The following STAB2 variants were observed in gnomAD, a reference collection of about 807,000 sequenced individuals.
The protein encoded by STAB2 is stabilin 2.
A neutral mutation model predicts 338.1 loss-of-function variants in STAB2; 288 were observed. That is an observed-to-expected ratio of 0.85 (90% CI 0.77 to 0.94). The LOEUF (loss-of-function observed/expected upper bound fraction) is 0.94, where lower values mean the gene tolerates loss of function less well. STAB2 is among the 40% of genes least tolerant of loss of function. The pLI is 0.00. For missense variants in STAB2, 3,141 were observed against 3,210.1 expected (o/e 0.98, Z 0.52); for synonymous variants, 1,202 against 1,193.3 (o/e 1.01, Z -0.15).
chr12:103,637,314 C>T, intron 7 of STAB2, 78 bp downstream of exon 7: 7 of 1,524,012 alleles, frequency 4.6e-6, no homozygotes, highest in Non-Finnish European at 5.3e-6. Flanking sequence ...ATCTCACAAC[C>T]TCCTTAACAC....
chr12:103,751,890 G>A (rs1369411046), intron 60 of STAB2, among the ~76,000 whole-genome samples: 2 of 152,222 alleles, frequency 1.3e-5, no homozygotes, highest in African/African-American at 2.4e-5. Flanking sequence ...TTCTGTTGGA[G>A]CTGTGTGGTT....
intron 68 of STAB2, 130 bp from the exon 69 acceptor site, chr12:103,766,156 A>C (rs1243844225): frequency 7.8e-7 from 1 of 1,283,488 alleles, no homozygotes; most frequent in Non-Finnish European, 1.1e-6. Flanking sequence ...AGCACAAACA[A>C]ACACGCCCAG....
intron 56 of STAB2, among the ~76,000 whole-genome samples, chr12:103,743,332 T>C (rs1882743145): frequency 6.6e-6 from 1 of 152,184 alleles, no homozygotes; most frequent in East Asian, 1.9e-4. Flanking sequence ...TGAATATTTC[T>C]AATGTCTAGG....
At chr12:103,672,858 C>G (rs545507890) in intron 22 of STAB2, among the ~76,000 whole-genome samples, 1 of 152,128 alleles carries the variant, frequency 6.6e-6, no homozygotes, top group Non-Finnish European at 1.5e-5. Context: ...TAATGATCTA[C>G]GGTGTTTACA....
At chr12:103,709,421 A>T (rs1294531589) in intron 39 of STAB2, among the ~76,000 whole-genome samples, 1 of 152,224 alleles carries the variant, frequency 6.6e-6, no homozygotes, top group Admixed American at 6.5e-5. Context: ...GTTTTCAACA[A>T]GGGAGCAATA....
intron 3 of STAB2, among the ~76,000 whole-genome samples, chr12:103,618,722 C>T (rs776767308): frequency 6.6e-6 from 1 of 152,184 alleles, no homozygotes; most frequent in Admixed American, 6.5e-5. Context: ...CCTGTTTCCT[C>T]ATCTAGAAAG....
chr12:103,688,343 A>G (rs2138895797), intron 28 of STAB2, 128 bp downstream of exon 28: 2 of 895,978 alleles, frequency 2.2e-6, no homozygotes, highest in Non-Finnish European at 3.6e-6. Context: ...GTGTTTCTCA[A>G]CGCTGGCTGC....
At chr12:103,660,231 C>T in intron 15 of STAB2, 100 bp from the exon 16 acceptor site, 2 of 1,253,444 alleles carry the variant, frequency 1.6e-6, no homozygotes, top group South Asian at 2.4e-5. Context: ...GATTATGGGT[C>T]ATTTTTCTTG....
At chr12:103,634,917 A>C (rs866068079) in intron 6 of STAB2, among the ~76,000 whole-genome samples, 34 of 152,358 alleles carry the variant, frequency 2.2e-4, no homozygotes, top group African/African-American at 7.9e-4. Context: ...ATTCCATCAG[A>C]GTGAACTAGT....
In STAB2 at chr12:103,635,776, G is replaced by A. The variant is rs151201301; in HGVS notation, c.584-1335G>A. On this transcript the variant is annotated intron_variant, in intron 6 of 68. Coordinates refer to ENST00000388887, the MANE Select transcript of STAB2 (RefSeq NM_017564.10). ...CTTCTTAGCTGCTGCTGCCAGCAGC[G>A]CCCACTGGCTAACAGATTCCTTTGG... Among the ~76,000 whole-genome samples the A allele has an allele frequency of 6.3e-3, 954 of 152,280 alleles. 9 individuals carry two copies. The highest frequency in any genetic ancestry group is 0.022 in the African/African-American group (897 of 41,564).
In STAB2 at chr12:103,708,484, A is replaced by G; in HGVS notation, c.4236A>G (p.Gly1412=). The G allele has an allele frequency of 6.2e-7, 1 of 1,614,140 alleles. No homozygotes were observed. Among genetic ancestry groups the G allele is most frequent in the Non-Finnish European group, 8.5e-7 (1 of 1,179,968 alleles). Residue 1412 remains glycine, a synonymous_variant, in exon 39 of 69, where the codon GGA becomes GGG. Coordinates refer to ENST00000388887, the MANE Select transcript of STAB2 (RefSeq NM_017564.10). ...VHGRCNQGPL[G]DGSCDCDVGW... ...GGAGATGCAACCAAGGACCCTTGGG[A>G]GATGGCTCCTGTGACTGTGATGTTG...
chr12:103,741,758 T>C (rs942265250), intron 55 of STAB2, among the ~76,000 whole-genome samples: 2 of 152,348 alleles, frequency 1.3e-5, no homozygotes, highest in East Asian at 1.9e-4. Context: ...CCTGGCCTGT[T>C]GACCCCATTT....
Position 103,755,318 on chromosome 12 carries a change from G to T in STAB2, c.6731G>T (p.Cys2244Phe). 1.2e-6 allele frequency: 2 copies of T among 1,614,024 alleles called. No individual in the cohort carries two copies. The highest frequency in any genetic ancestry group is 1.7e-6 in the Non-Finnish European group (2 of 1,180,030). ...TCCCTGCAGGCCAAGTACCACCTGT[G>T]CTCAGCAGGCTGGCTGGAGACCGGG... ...SYAQKAKYHL[C>F]SAGWLETGRV... The change falls in exon 62 of 69, where the codon TGC becomes TTC. Residue 2244 changes from cysteine (C) to phenylalanine (F), a missense_variant. Cys to Phe is a radical substitution (Grantham distance 205). Transcript: ENST00000388887.
At chr12:103,616,447 G>T (rs1174028134) in intron 3 of STAB2, among the ~76,000 whole-genome samples, 1 of 152,246 alleles carries the variant, frequency 6.6e-6, no homozygotes, top group Non-Finnish European at 1.5e-5. Context: ...CATGGAAAGA[G>T]TGCAAGATGG....
chr12:103,690,383 C>T (rs1453917555), intron 29 of STAB2, 41 bp from the exon 30 acceptor site: 3 of 1,507,300 alleles, frequency 2.0e-6, no homozygotes, highest in Non-Finnish European at 2.8e-6. Flanking sequence ...CAGCCCCATA[C>T]ATTTATATTG....
At chr12:103,640,427 A>G (rs572906556) in intron 9 of STAB2, among the ~76,000 whole-genome samples, 171 bp downstream of exon 9, 1 of 152,304 alleles carries the variant, frequency 6.6e-6, no homozygotes, top group South Asian at 2.1e-4. Context: ...ATCTTTAATT[A>G]ATTAAACACT....
At chr12:103,725,629 GGTGCATAT>G (rs1167940064) in intron 45 of STAB2, among the ~76,000 whole-genome samples, 1 of 151,796 alleles carries the variant, frequency 6.6e-6, no homozygotes, top group Non-Finnish European at 1.5e-5. Flanking sequence ...TGTGCATGCA[GGTGCATAT>G]GTGCATGTGT....
chr12:103,668,592 G>A (rs1593205477), intron 19 of STAB2, 51 bp from the exon 20 acceptor site: 1 of 1,498,198 alleles, frequency 6.7e-7, no homozygotes, highest in Non-Finnish European at 9.1e-7. Context: ...GCAGTGCCTG[G>A]AGGACCTAAA....
chr12:103,704,914 C>T lies in STAB2; in HGVS notation c.3900+300C>T, dbSNP rs545857837. The T allele has an allele frequency of 7.7e-4, 174 of 226,472 alleles. 1 individual carries two copies. The highest frequency in any genetic ancestry group is 2.6e-3 in the South Asian group (27 of 10,272). The allele number at this position is 226,472 out of a possible 1,614,324, so 14.0% of individuals were successfully genotyped here. On this transcript the variant is annotated intron_variant, in intron 36 of 68. Transcript: ENST00000388887. ...TGAGGACCGCAGCAAGAAATCTTGT[C>T]AGAGAAGAGAGATTCCATATCCAAA...
Sources: allele counts gnomAD v4.1 joint callset (sites outside exome capture counted in the v4.1 genomes callset), GRCh38; gene constraint gnomAD v4.1.1; transcripts MANE v1.5; gene names NCBI Gene and HGNC (gene_info 2026-07-23, HGNC 2026-07-21).